ARB2A: variants seen among roughly 807,000 people sequenced by gnomAD.
The protein encoded by ARB2A is ARB2 cotranscriptional regulator A.
chr5:93,888,599 T>C, the ARB2A span, among the ~76,000 whole-genome samples: 1 of 151,792 alleles, frequency 6.6e-6, no homozygotes, highest in Non-Finnish European at 1.5e-5. Context: ...ATAGTAGTTC[T>C]AAAACATTTC....
At chr5:93,675,713 C>A in the ARB2A span, among the ~76,000 whole-genome samples, 1 of 152,168 alleles carries the variant, frequency 6.6e-6, no homozygotes. Flanking sequence ...TCTAACTGTT[C>A]CATATCAAGA....
chr5:93,745,799 A>G, the ARB2A span, among the ~76,000 whole-genome samples: 2,000 of 152,006 alleles, frequency 0.013, 53 homozygotes, highest in East Asian at 0.13. Flanking sequence ...TCGTCTCCCC[A>G]CTCTGCAGAT....
At chr5:93,881,480 A>G in the ARB2A span, 4 of 1,609,662 alleles carry the variant, frequency 2.5e-6, no homozygotes. Context: ...TCTGATATAC[A>G]ATTGCATCAT....
chr5:94,088,791 T>C, the ARB2A span, among the ~76,000 whole-genome samples: 1 of 152,234 alleles, frequency 6.6e-6, no homozygotes, highest in East Asian at 1.9e-4. Context: ...AAATCAGCCT[T>C]TGAAGATGTA....
chr5:93,865,454 G>C, the ARB2A span: 6 of 985,244 alleles, frequency 6.1e-6, no homozygotes, highest in Non-Finnish European at 7.2e-6. Context: ...TCTAGCACTT[G>C]TGACATGGTA....
At chr5:94,065,428 C>T in the ARB2A span, among the ~76,000 whole-genome samples, 13,517 of 152,140 alleles carry the variant, frequency 0.089, 776 homozygotes, top group Middle Eastern at 0.16. Context: ...GTGGGAGGAT[C>T]GCTTGAGCCC....
chr5:94,068,504 T>C, the ARB2A span, among the ~76,000 whole-genome samples: 1 of 152,052 alleles, frequency 6.6e-6, no homozygotes, highest in Non-Finnish European at 1.5e-5. Context: ...AGAGCTCCCA[T>C]AAAATGGGAG....
At chr5:93,911,498 T>C in the ARB2A span, among the ~76,000 whole-genome samples, 3 of 151,646 alleles carry the variant, frequency 2.0e-5, no homozygotes, top group African/African-American at 7.3e-5. Flanking sequence ...TACACAGAAT[T>C]ATTGAATTAA....
the ARB2A span, among the ~76,000 whole-genome samples, chr5:93,791,247 G>C: frequency 6.6e-6 from 1 of 152,192 alleles, no homozygotes; most frequent in South Asian, 2.1e-4. Context: ...CTTGGCTTAT[G>C]ACTATTAAAC....
At chr5:93,941,299 A>G in the ARB2A span, among the ~76,000 whole-genome samples, 1 of 152,148 alleles carries the variant, frequency 6.6e-6, no homozygotes, top group Non-Finnish European at 1.5e-5. Flanking sequence ...AGCTGATTAA[A>G]GGAAGGACCA....
the ARB2A span, among the ~76,000 whole-genome samples, chr5:94,067,504 T>C: frequency 6.6e-6 from 1 of 152,054 alleles, no homozygotes; most frequent in African/African-American, 2.4e-5. Context: ...AGAATCAACA[T>C]AGAAAAATCA....
chr5:94,059,180 G>GAAAAAAAAAA, the ARB2A span, among the ~76,000 whole-genome samples: 1 of 142,838 alleles, frequency 7.0e-6, no homozygotes, highest in Non-Finnish European at 1.5e-5. Context: ...AGAACTGAGG[G>GAAAAAAAAAA]AAAAAAAAAA....
chr5:93,861,959 G>T, the ARB2A span: 2 of 152,102 alleles, frequency 1.3e-5, no homozygotes, highest in Non-Finnish European at 2.9e-5. Context: ...TTTTGATCAT[G>T]TATATTCTAT....
the ARB2A span, among the ~76,000 whole-genome samples, chr5:93,673,794 G>T: frequency 6.6e-6 from 1 of 152,086 alleles, no homozygotes; most frequent in African/African-American, 2.4e-5. Context: ...AAGATAAGAA[G>T]TTACATGGAC....
At chr5:93,730,603 T>C in the ARB2A span, among the ~76,000 whole-genome samples, 12 of 152,300 alleles carry the variant, frequency 7.9e-5, no homozygotes, top group African/African-American at 1.7e-4. Context: ...TCTAAACTTG[T>C]TCTCTTCTGT....
At chr5:93,741,481 C>A in the ARB2A span, 1 of 1,613,274 alleles carries the variant, frequency 6.2e-7, no homozygotes, top group Non-Finnish European at 8.5e-7. Context: ...AGTGTCAACC[C>A]GCAGGGGCAT....
At chr5:93,837,975 T>A in the ARB2A span, among the ~76,000 whole-genome samples, 1 of 152,210 alleles carries the variant, frequency 6.6e-6, no homozygotes, top group African/African-American at 2.4e-5. Context: ...ACTCTTTTGA[T>A]AGTTTCTTTT....
the ARB2A span, among the ~76,000 whole-genome samples, chr5:94,034,829 C>T: frequency 2.6e-5 from 4 of 152,174 alleles, no homozygotes; most frequent in African/African-American, 9.7e-5. Context: ...AGGAGGTGAG[C>T]ACCAGGTGAG....
At chr5:94,028,336 G>C in the ARB2A span, among the ~76,000 whole-genome samples, 1 of 152,134 alleles carries the variant, frequency 6.6e-6, no homozygotes, top group Non-Finnish European at 1.5e-5. Flanking sequence ...TTCCCTCCAT[G>C]ATCCCAAATG....
Sources: gnomAD v4.1 joint callset for allele counts (sites outside exome capture counted in the v4.1 genomes callset) on GRCh38, gnomAD v4.1.1 for gene constraint, MANE v1.5 for transcripts, NCBI Gene and HGNC (gene_info 2026-07-23, HGNC 2026-07-21) for gene names.